KIF21A: variants seen among roughly 807,000 people sequenced by gnomAD.
KIF21A encodes kinesin family member 21A.
A neutral mutation model predicts 202.9 loss-of-function variants in KIF21A; 114 were observed. The observed-to-expected ratio is 0.56, with a 90% confidence interval of 0.48 to 0.66. The LOEUF (loss-of-function observed/expected upper bound fraction) is 0.66. Among genes scored for constraint, KIF21A ranks in the 30% least tolerant of loss-of-function variants. The pLI is 0.00. For missense variants in KIF21A, 1,677 were observed against 1,994.9 expected (o/e 0.84, Z 3.04); for synonymous variants, 667 against 670.8 (o/e 0.99, Z 0.09).
Position 39,442,864 on chromosome 12 carries a change from G to A in KIF21A, c.44+63C>T. 1 of 1,512,034 alleles carries A rather than the reference G, an allele frequency of 6.6e-7. No individual in the cohort carries two copies. Among genetic ancestry groups the A allele is most frequent in the South Asian group, 1.2e-5 (1 of 82,604 alleles). 93.7% of individuals were successfully genotyped at this position (1,512,034 alleles called of 1,614,324 possible). ...CCGGTAGCCGGTGCTCCGCGCCACA[G>A]CCAGGTCCTTGCCGCGCCCTCAACC... On this transcript the variant is annotated intron_variant, in intron 1 of 37. Transcript: ENST00000361418. This position sits in a 1 kb window ranked among gnomAD's most constrained non-coding sequence, Gnocchi z 5.0.
At chr12:39,390,234 CA>C (rs530854586) in intron 1 of KIF21A, among the ~76,000 whole-genome samples, 366 of 152,232 alleles carry the variant, frequency 2.4e-3, no homozygotes, top group South Asian at 5.8e-3. Flanking sequence ...CTCACTTGTG[CA>C]ATCCACACAC....
chr12:39,394,662 C>T (rs982114380), intron 1 of KIF21A, among the ~76,000 whole-genome samples: 7 of 151,718 alleles, frequency 4.6e-5, no homozygotes, highest in South Asian at 2.1e-4. Flanking sequence ...GAAGAGCTCC[C>T]GCACTGGAGT....
chr12:39,367,026 TCA>T lies in KIF21A; in HGVS notation c.735+2_735+3del. The T allele has an allele frequency of 1.2e-6, 2 of 1,612,556 alleles. No individual in the cohort carries two copies. The highest frequency in any genetic ancestry group is 1.7e-6 in the Non-Finnish European group (2 of 1,178,606). On this transcript the variant is annotated splice_donor_variant and splice_donor_region_variant and intron_variant, in intron 5 of 37. Coordinates refer to ENST00000361418, the MANE Select transcript of KIF21A (RefSeq NM_001173464.2). LOFTEE classifies it high-confidence loss of function. ...AGTTTAAGAAATTAGAATTAATAAC[TCA>T]CAGCATCTATTTGGGGACACACTCT... is the stretch of plus-strand genomic sequence containing the variant.
At chr12:39,341,379 A>T in intron 14 of KIF21A, 126 bp downstream of exon 14, 1 of 886,178 alleles carries the variant, frequency 1.1e-6, no homozygotes. Context: ...TTGGAAGGCA[A>T]ATGTAGGTCA....
chr12:39,426,870 T>G (rs1213593657), intron 1 of KIF21A, among the ~76,000 whole-genome samples: 4 of 137,558 alleles, frequency 2.9e-5, no homozygotes, highest in African/African-American at 1.1e-4. Context: ...GGTGACAGAG[T>G]GAGACTCTGT....
chr12:39,392,011 T>C (rs1029523177), intron 1 of KIF21A, among the ~76,000 whole-genome samples: 1 of 152,146 alleles, frequency 6.6e-6, no homozygotes, highest in Non-Finnish European at 1.5e-5. Context: ...GTGCTGGGAT[T>C]ACAGGAATGA....
At chr12:39,316,016 A>G in intron 29 of KIF21A, 46 bp from the exon 30 acceptor site, 1 of 1,324,254 alleles carries the variant, frequency 7.6e-7, no homozygotes, top group South Asian at 1.2e-5. Context: ...TACAGATGTC[A>G]ACAGGTAAGG....
rs372279893 is a variant in KIF21A, at chr12:39,309,561, T to A, written c.4277+25A>T. 8.4e-6 allele frequency: 13 copies of A among 1,547,674 alleles called. No individual in the cohort carries two copies. In the African/African-American group the frequency reaches 1.8e-4, roughly 21 times the overall value. On this transcript the variant is annotated intron_variant, in intron 33 of 37. Coordinates refer to ENST00000361418, the MANE Select transcript of KIF21A (RefSeq NM_001173464.2). ...AAAAAGAAGAGCTATTCCTCCTTTATGCTATATGTCTTCAAGTTACTTACG... is the reference window on the plus strand; with the variant it reads ...AAAAAGAAGAGCTATTCCTCCTTTAAGCTATATGTCTTCAAGTTACTTACG...
At chr12:39,358,603 T>TA (rs947596311) in intron 7 of KIF21A, among the ~76,000 whole-genome samples, 11 of 152,206 alleles carry the variant, frequency 7.2e-5, no homozygotes, top group African/African-American at 2.7e-4. Flanking sequence ...TATAAGCACA[T>TA]ACATTTATTT....
At chr12:39,430,867 A>G (rs1253888600) in intron 1 of KIF21A, among the ~76,000 whole-genome samples, 2 of 152,144 alleles carry the variant, frequency 1.3e-5, no homozygotes, top group Non-Finnish European at 2.9e-5. Context: ...TAAGAAGAAG[A>G]AGACTTGAGC....
intron 27 of KIF21A, 81 bp from the exon 28 acceptor site, chr12:39,320,094 TA>T (rs1945043339): frequency 1.3e-6 from 1 of 756,202 alleles, no homozygotes; most frequent in Non-Finnish European, 2.3e-6. Flanking sequence ...CTAAAATTTG[TA>T]ATAGGTTAAT....
intron 25 of KIF21A, 103 bp downstream of exon 25, chr12:39,326,161 A>G: frequency 1.1e-6 from 1 of 907,712 alleles, no homozygotes; most frequent in Non-Finnish European, 1.8e-6. Context: ...CTAGGCCATT[A>G]GATTGAAAAT....
intron 1 of KIF21A, among the ~76,000 whole-genome samples, chr12:39,414,371 A>T (rs1377208682): frequency 6.6e-6 from 1 of 152,242 alleles, no homozygotes; most frequent in Non-Finnish European, 1.5e-5. Context: ...ATACTTTATT[A>T]TCAAAAGATC....
At position 39,307,823 on chromosome 12, in the gene KIF21A, C is replaced by A. The variant is rs558839206; in HGVS notation, c.4278-94G>T. 1.7e-4 allele frequency: 169 copies of A among 994,452 alleles called. 1 individual carries two copies. The highest frequency in any genetic ancestry group is 4.9e-4 in the South Asian group (36 of 73,628). 61.6% of individuals were successfully genotyped at this position (994,452 alleles called of 1,614,324 possible). On this transcript the variant is annotated intron_variant, in intron 33 of 37. Transcript: ENST00000361418. ...TTCCCAGGAAACTGGCTGTAGGCAA[C>A]AACAAGAACAGTGTCCTTTTGTCAC...
chr12:39,319,439 A>G (rs1944960131), intron 28 of KIF21A, among the ~76,000 whole-genome samples: 1 of 152,216 alleles, frequency 6.6e-6, no homozygotes, highest in Non-Finnish European at 1.5e-5. Context: ...TGTAAACATG[A>G]GAGAGCAACA....
At chr12:39,417,088 A>C in intron 1 of KIF21A, among the ~76,000 whole-genome samples, 1 of 152,008 alleles carries the variant, frequency 6.6e-6, no homozygotes, top group East Asian at 1.9e-4. Flanking sequence ...AATGGCTAGG[A>C]ATGGGGCCAG....
chr12:39,336,235 G>GA lies in KIF21A; in HGVS notation c.2418+860dup, dbSNP rs924562614. Among the ~76,000 whole-genome samples, 178 of 146,748 alleles carry GA rather than the reference G, an allele frequency of 1.2e-3. 1 individual carries two copies. Among genetic ancestry groups the GA allele is most frequent in the African/African-American group, 3.9e-3 (157 of 40,074 alleles). On this transcript the variant is annotated intron_variant, in intron 17 of 37. Coordinates refer to ENST00000361418, the MANE Select transcript of KIF21A (RefSeq NM_001173464.2). ...CACTGCACCCAGCTTCTTCTTTTAAGAAAAAAAAAATCATAACTATAATTT... is the reference window on the plus strand; with the variant it reads ...CACTGCACCCAGCTTCTTCTTTTAAGAAAAAAAAAAATCATAACTATAATTT...
At chr12:39,309,985 G>A (rs999247785) in intron 32 of KIF21A, among the ~76,000 whole-genome samples, 18 of 152,170 alleles carry the variant, frequency 1.2e-4, no homozygotes, top group African/African-American at 4.3e-4. Context: ...GATGTCTGGT[G>A]TATGTATCAT....
In KIF21A at chr12:39,330,774, T is replaced by C. The variant is rs1565799839; in HGVS notation, c.3291A>G (p.Leu1097=). 3 of 1,613,978 alleles carry C rather than the reference T, an allele frequency of 1.9e-6. No homozygotes were observed. The highest frequency in any genetic ancestry group is 1.7e-6 in the Non-Finnish European group (2 of 1,179,850). The change falls in exon 23 of 38, where the codon CTA becomes CTG. Residue 1097 remains leucine, a synonymous_variant. Transcript: ENST00000361418. ...LKEKAELNPE[L]DALLGHALQD... ...GTAAAGCATGGCCTAGTAAAGCATCTAGCTCAGGATTTAATTCTGCCTTCT... is the reference window on the plus strand; with the variant it reads ...GTAAAGCATGGCCTAGTAAAGCATCCAGCTCAGGATTTAATTCTGCCTTCT...
Sources: allele counts gnomAD v4.1 joint callset (sites outside exome capture counted in the v4.1 genomes callset), GRCh38; gene constraint gnomAD v4.1.1; non-coding constraint Gnocchi (gnomAD v3.1); transcripts MANE v1.5; gene names NCBI Gene and HGNC (gene_info 2026-07-23, HGNC 2026-07-21).